MNS1: variants seen among roughly 807,000 people sequenced by gnomAD.
MNS1 encodes the protein meiosis specific nuclear structural 1.
Under a neutral mutation model 72.0 loss-of-function variants are expected in MNS1, and 63 were observed. That is an observed-to-expected ratio of 0.87 (90% CI 0.71 to 1.08). The LOEUF (loss-of-function observed/expected upper bound fraction) is 1.08. Ranked by LOEUF, MNS1 falls within the 50% of genes least tolerant of loss-of-function variation. The pLI, the probability that MNS1 is intolerant of heterozygous loss-of-function variation, is 0.00. For missense variants in MNS1, 604 were observed against 562.4 expected, an observed-to-expected ratio of 1.07 and a Z score of -0.75; for synonymous variants, 188 against 172.1, an observed-to-expected ratio of 1.09 and a Z score of -0.72.
intron 3 of MNS1, among the ~76,000 whole-genome samples, chr15:56,456,165 G>C (rs2050980509): frequency 6.6e-6 from 1 of 152,096 alleles, no homozygotes; most frequent in Non-Finnish European, 1.5e-5. Flanking sequence ...GTAAAGGAAA[G>C]AGCAGGGGGA....
intron 9 of MNS1, chr15:56,430,056 A>ATATC (rs1212286252): frequency 5.9e-5 from 9 of 152,220 alleles, no homozygotes; most frequent in African/African-American, 2.2e-4. Context: ...AATTACCTAT[A>ATATC]TATCTTTTTC....
chr15:56,447,068 TC>T (rs2050910854), intron 3 of MNS1, 125 bp from the exon 4 acceptor site: 1 of 645,652 alleles, frequency 1.5e-6, no homozygotes, highest in East Asian at 2.8e-5. Context: ...TTATTTTAGA[TC>T]CATAGGAGAA....
intron 9 of MNS1, 112 bp from the exon 10 acceptor site, chr15:56,429,305 T>C (rs1277113914): frequency 3.0e-6 from 2 of 664,516 alleles, no homozygotes; most frequent in Non-Finnish European, 5.0e-6. Context: ...TAATGAAATC[T>C]ATTCAACAGA....
At chr15:56,464,410 C>A (rs1394435315) in intron 1 of MNS1, among the ~76,000 whole-genome samples, 163 bp from the exon 2 acceptor site, 2 of 152,116 alleles carry the variant, frequency 1.3e-5, no homozygotes, top group African/African-American at 4.8e-5. Flanking sequence ...TAAATATGTT[C>A]ACATATCGAT....
intron 3 of MNS1, among the ~76,000 whole-genome samples, chr15:56,451,688 A>T (rs1007868368): frequency 6.6e-6 from 1 of 151,828 alleles, no homozygotes; most frequent in African/African-American, 2.4e-5. Flanking sequence ...TACAATGGTG[A>T]GAAAACCATA....
intron 9 of MNS1, chr15:56,429,621 A>G (rs1416253960): frequency 6.5e-6 from 1 of 152,924 alleles, no homozygotes; most frequent in Non-Finnish European, 1.5e-5. Flanking sequence ...CAAACAGTCA[A>G]TCTTGCAGAA....
At chr15:56,443,607 ACT>A in intron 6 of MNS1, 29 bp downstream of exon 6, 1 of 1,594,286 alleles carries the variant, frequency 6.3e-7, no homozygotes, top group Non-Finnish European at 8.5e-7. Flanking sequence ...TCAGAATTTT[ACT>A]AGTGTTAAAG....
intron 8 of MNS1, 87 bp from the exon 9 acceptor site, chr15:56,431,585 G>T: frequency 7.6e-7 from 1 of 1,311,658 alleles, no homozygotes. Flanking sequence ...CAATGAATTA[G>T]ATAAAATTGA....
At chr15:56,454,698 T>C (rs2050969948) in intron 3 of MNS1, among the ~76,000 whole-genome samples, 1 of 152,210 alleles carries the variant, frequency 6.6e-6, no homozygotes, top group African/African-American at 2.4e-5. Context: ...ATAATGCTTC[T>C]GTATTATCCT....
rs1567150988 is a variant in MNS1, at chr15:56,443,545, AT to A, written c.904-9del. On this transcript the variant is annotated splice_polypyrimidine_tract_variant and intron_variant, in intron 6 of 9. Transcript: ENST00000260453. Reference sequence around the variant, plus strand: ...TTCTAATTTCTGTGTCAACTATTAAATTTTTTAAAAAACATAAATATTTATA... The same window carrying A: ...TTCTAATTTCTGTGTCAACTATTAAATTTTTAAAAAACATAAATATTTATA... The A allele has an allele frequency of 6.3e-7, 1 of 1,577,890 alleles. No homozygotes were observed. The highest frequency in any genetic ancestry group is 8.6e-7 in the Non-Finnish European group (1 of 1,168,022).
At chr15:56,437,699 T>A (rs1231649266) in intron 7 of MNS1, among the ~76,000 whole-genome samples, 1 of 152,198 alleles carries the variant, frequency 6.6e-6, no homozygotes, top group Non-Finnish European at 1.5e-5. Context: ...GATGACATGA[T>A]TGTATATTTA....
At chr15:56,438,250 A>G (rs1381401319) in intron 7 of MNS1, among the ~76,000 whole-genome samples, 1 of 152,208 alleles carries the variant, frequency 6.6e-6, no homozygotes, top group African/African-American at 2.4e-5. Flanking sequence ...ACAGCATGGT[A>G]CTGCTACCAA....
chr15:56,447,031 T>A (rs2050910299), intron 3 of MNS1, 88 bp from the exon 4 acceptor site: 1 of 877,924 alleles, frequency 1.1e-6, no homozygotes. Flanking sequence ...TATTTTTAAT[T>A]TACTCAAAGA....
chr15:56,461,975 G>GTTTTT lies in MNS1; in HGVS notation c.225+2046_225+2050dup, dbSNP rs56022687. Among the ~76,000 whole-genome samples, 166 of 97,852 alleles carry GTTTTT rather than the reference G, an allele frequency of 1.7e-3. 2 individuals are homozygous for GTTTTT. Among genetic ancestry groups the GTTTTT allele is most frequent in the Non-Finnish European group, 2.8e-3 (133 of 47,982 alleles). The allele number at this position is 97,852 out of a possible 152,430, so 64.2% of individuals were successfully genotyped here. ...AATAACAAAGTGTTTTTTTGTTGTT[G>GTTTTT]TTTTTTTTTTTTTTTTTTTTTTTTT... On this transcript the variant is annotated intron_variant, in intron 2 of 9. Coordinates refer to ENST00000260453, the MANE Select transcript of MNS1 (RefSeq NM_018365.4).
chr15:56,445,366 T>A (rs1039181797), intron 4 of MNS1, among the ~76,000 whole-genome samples: 1 of 152,042 alleles, frequency 6.6e-6, no homozygotes, highest in African/African-American at 2.4e-5. Flanking sequence ...AAATAAGTTT[T>A]AAATGAAATA....
At chr15:56,444,954 G>T (rs1445220056) in intron 4 of MNS1, among the ~76,000 whole-genome samples, 5 of 151,960 alleles carry the variant, frequency 3.3e-5, no homozygotes, top group African/African-American at 7.2e-5. Context: ...GAATACAATT[G>T]TAAGTAGTTT....
chr15:56,462,837 G>T (rs1225887110), intron 2 of MNS1, among the ~76,000 whole-genome samples: 1 of 152,112 alleles, frequency 6.6e-6, no homozygotes, highest in East Asian at 1.9e-4. Flanking sequence ...TATTTTGTTA[G>T]ATGTACACTT....
At chr15:56,459,014 C>G (rs567668141) in intron 2 of MNS1, among the ~76,000 whole-genome samples, 101 of 152,292 alleles carry the variant, frequency 6.6e-4, no homozygotes, top group African/African-American at 2.3e-3. Context: ...TATAGCACAT[C>G]TGTGTGTACA....
At chr15:56,443,611 G>C (rs772180805) in intron 6 of MNS1, 27 bp downstream of exon 6, 12 of 1,599,862 alleles carry the variant, frequency 7.5e-6, no homozygotes, top group African/African-American at 1.3e-5. Context: ...AATTTTACTA[G>C]TGTTAAAGAA....
Sources: allele counts gnomAD v4.1 joint callset (sites outside exome capture counted in the v4.1 genomes callset), GRCh38; gene constraint gnomAD v4.1.1; transcripts MANE v1.5; gene names NCBI Gene and HGNC (gene_info 2026-07-23, HGNC 2026-07-21).